The following GSDME variants were observed in gnomAD, a reference collection of about 807,000 sequenced individuals.
The protein encoded by GSDME is gasdermin-E.
In GSDME, 44 loss-of-function variants were observed where a neutral mutation model predicts 47.5. The observed-to-expected ratio is 0.93, with a 90% CI of 0.73 to 1.19. The LOEUF is 1.19. Among genes scored for constraint, GSDME ranks in the 50% most tolerant of loss-of-function variants. The probability of loss-of-function intolerance (pLI) is 0.00; values close to 1 mark genes in which losing one functional copy is unlikely to be tolerated. For synonymous variants in GSDME, 258 were observed against 252.8 expected, an observed-to-expected ratio of 1.02 and a Z score of -0.20; for missense variants, 663 against 604.2, an observed-to-expected ratio of 1.10 and a Z score of -1.02.
At chr7:24,738,298 T>A (rs1292061135) in intron 3 of GSDME, among the ~76,000 whole-genome samples, 1 of 151,944 alleles carries the variant, frequency 6.6e-6, no homozygotes, top group African/African-American at 2.4e-5. Context: ...AAAATCAACA[T>A]ACAAAAATCA....
Position 24,754,484 on chromosome 7 carries a change from T to TTA in GSDME, c.-20+2911_-20+2912insTA, listed in dbSNP as rs1790954853. Reference sequence around the variant, plus strand: ...TGGGCAACAAGAGCGAAACTTTGTCTCAAAAAAAAAAAAAAAAAGTTGTAT... The same window carrying TTA: ...TGGGCAACAAGAGCGAAACTTTGTCTTACAAAAAAAAAAAAAAAAAGTTGTAT... On this transcript the variant is annotated intron_variant, in intron 1 of 9. Transcript: ENST00000645220. This position sits in a 1 kb window ranked among gnomAD's most constrained non-coding sequence, Gnocchi z 5.0. Among the ~76,000 whole-genome samples the TTA allele has an allele frequency of 1.0e-5, 1 of 97,852 alleles. No homozygotes were observed. 64.2% of individuals were successfully genotyped at this position (97,852 alleles called of 152,430 possible).
chr7:24,784,481 G>C, the GSDME span, among the ~76,000 whole-genome samples: 2 of 152,088 alleles, frequency 1.3e-5, no homozygotes, highest in Admixed American at 1.3e-4. Context: ...CAAACCACTG[G>C]TCTAAGTCCA....
At chr7:24,763,480 G>A in the GSDME span, among the ~76,000 whole-genome samples, 1 of 152,110 alleles carries the variant, frequency 6.6e-6, no homozygotes, top group South Asian at 2.1e-4. The surrounding 1 kb of genome is among the most constrained non-coding windows in gnomAD (Gnocchi z 4.3). Flanking sequence ...TGACCAGCAG[G>A]CAGGCGTGTA....
At chr7:24,706,502 G>C in intron 7 of GSDME, 126 bp from the exon 8 acceptor site, 1 of 883,320 alleles carries the variant, frequency 1.1e-6, no homozygotes, top group East Asian at 2.7e-5. Flanking sequence ...ACGACCCGCA[G>C]CTCTTCTCTA....
At chr7:24,700,729 C>G (rs1335379336) in intron 9 of GSDME, among the ~76,000 whole-genome samples, 1 of 152,198 alleles carries the variant, frequency 6.6e-6, no homozygotes, top group African/African-American at 2.4e-5. Context: ...AGACTGCAAA[C>G]TATTGATTGT....
In GSDME at chr7:24,716,331, T is replaced by C. The variant is rs1269141463; in HGVS notation, c.697+923A>G. 2 of 152,282 alleles carry C rather than the reference T, an allele frequency of 1.3e-5. No homozygotes were observed. Among genetic ancestry groups the C allele is most frequent in the Non-Finnish European group, 2.9e-5 (2 of 68,062 alleles). The allele number at this position is 152,282 out of a possible 1,614,324, so 9.4% of individuals were successfully genotyped here. Reference sequence around the variant, plus strand: ...TCACACCCTTTATGCTCCACTCATATTATTTTTGAATCAAACCACAGACAT... The same window carrying C: ...TCACACCCTTTATGCTCCACTCATACTATTTTTGAATCAAACCACAGACAT... On this transcript the variant is annotated intron_variant, in intron 5 of 9. Transcript: ENST00000645220. This position sits in a 1 kb window ranked among gnomAD's most constrained non-coding sequence, Gnocchi z 4.5.
At chr7:24,781,647 T>C in the GSDME span, among the ~76,000 whole-genome samples, 1 of 152,138 alleles carries the variant, frequency 6.6e-6, no homozygotes, top group East Asian at 1.9e-4. Flanking sequence ...ATTAAATCTA[T>C]TGATATTTAT....
At position 24,735,417 on chromosome 7, in the gene GSDME, T is replaced by A. The variant is rs1790272407; in HGVS notation, c.404+9145A>T. 6.6e-6 allele frequency among the ~76,000 whole-genome samples: 1 copy of A among 152,136 alleles called. No individual in the cohort carries two copies. Among genetic ancestry groups the A allele is most frequent in the Non-Finnish European group, 1.5e-5 (1 of 68,034 alleles). On this transcript the variant is annotated intron_variant, in intron 3 of 9. Coordinates refer to ENST00000645220, the MANE Select transcript of GSDME (RefSeq NM_001127453.2). This position sits in a 1 kb window ranked among gnomAD's most constrained non-coding sequence, Gnocchi z 4.4. ...AACACTGTCACTGTGGTATGTAAAC[T>A]ACTCATATCTTAAGCAGAAAGACAA...
At chr7:24,709,630 T>C (rs1473936418) in intron 6 of GSDME, among the ~76,000 whole-genome samples, 1 of 152,106 alleles carries the variant, frequency 6.6e-6, no homozygotes, top group Non-Finnish European at 1.5e-5. Context: ...TCTCCTCCTA[T>C]ATGCTGCGCC....
In GSDME at chr7:24,756,369, CA is replaced by C. The variant is rs903150295; in HGVS notation, c.-20+1026del. Among the ~76,000 whole-genome samples, 12 of 152,286 alleles carry C rather than the reference CA, an allele frequency of 7.9e-5. No individual in the cohort carries two copies. Among genetic ancestry groups the C allele is most frequent in the African/African-American group, 2.9e-4 (12 of 41,558 alleles). On this transcript the variant is annotated intron_variant, in intron 1 of 9. Coordinates refer to ENST00000645220, the MANE Select transcript of GSDME (RefSeq NM_001127453.2). This position sits in a 1 kb window ranked among gnomAD's most constrained non-coding sequence, Gnocchi z 4.2. ...GAGCGAGACCCTCTCTCAACAATAA[CA>C]AAGAACCTAGCCAAGGGACCGTGGC...
chr7:24,755,702 C>A (rs1790992943), intron 1 of GSDME, among the ~76,000 whole-genome samples: 1 of 152,218 alleles, frequency 6.6e-6, no homozygotes, highest in African/African-American at 2.4e-5. Context: ...AAAGCCTGTG[C>A]CCTTGACCAC....
In GSDME at chr7:24,749,789, A is replaced by G. The variant is rs563307227; in HGVS notation, c.-15T>C. ...TTGGCAAACATTTTGAAAGCTCCAGATTATCTGAAAAAGTAAAGTTATCCT... is the reference window on the plus strand; with the variant it reads ...TTGGCAAACATTTTGAAAGCTCCAGGTTATCTGAAAAAGTAAAGTTATCCT... On this transcript the variant is annotated 5_prime_UTR_variant, in exon 2 of 10. Coordinates refer to ENST00000645220, the MANE Select transcript of GSDME (RefSeq NM_001127453.2). 6.2e-7 allele frequency: 1 copy of G among 1,604,518 alleles called. No individual in the cohort carries two copies. The highest frequency in any genetic ancestry group is 2.2e-5 in the East Asian group (1 of 44,830).
In GSDME at chr7:24,721,702, A is replaced by G. The variant is rs549450350; in HGVS notation, c.405-2484T>C. 6.6e-6 allele frequency among the ~76,000 whole-genome samples: 1 copy of G among 152,212 alleles called. No homozygotes were observed. Among genetic ancestry groups the G allele is most frequent in the Non-Finnish European group, 1.5e-5 (1 of 68,040 alleles). The stretch of plus-strand genomic sequence containing the variant: ...AACAAAGCCACAGTGTGTGCCCTGC[A>G]TGGGAATTATGGGGCACTGAATTGA... On this transcript the variant is annotated intron_variant, in intron 3 of 9. Transcript: ENST00000645220. The surrounding 1 kb of genome is among the most constrained non-coding windows in gnomAD (Gnocchi z 4.1).
chr7:24,793,439 A>C, the GSDME span, among the ~76,000 whole-genome samples: 1 of 152,178 alleles, frequency 6.6e-6, no homozygotes, highest in East Asian at 1.9e-4. Flanking sequence ...ATTTTTAAAA[A>C]CCTTTTAATG....
chr7:24,715,816 C>T (rs577216660), intron 5 of GSDME, among the ~76,000 whole-genome samples: 24 of 152,318 alleles, frequency 1.6e-4, no homozygotes, highest in African/African-American at 5.8e-4. Flanking sequence ...CTTTGACCAA[C>T]TGCTTCAAAC....
intron 3 of GSDME, among the ~76,000 whole-genome samples, chr7:24,731,111 G>C (rs1790129293): frequency 6.6e-6 from 1 of 152,228 alleles, no homozygotes; most frequent in African/African-American, 2.4e-5. Flanking sequence ...CTTTTAAAAA[G>C]AGTGGATTTC....
chr7:24,794,677 C>A, the GSDME span, among the ~76,000 whole-genome samples: 2 of 152,136 alleles, frequency 1.3e-5, no homozygotes, highest in African/African-American at 4.8e-5. Flanking sequence ...GGTGTCATAG[C>A]GATTCCATAG....
chr7:24,747,810 C>T (rs1052199900), intron 2 of GSDME, among the ~76,000 whole-genome samples: 2 of 151,866 alleles, frequency 1.3e-5, no homozygotes, highest in Non-Finnish European at 2.9e-5. Context: ...TGGGACTACA[C>T]GTGTATGCCA....
the GSDME span, among the ~76,000 whole-genome samples, chr7:24,766,624 G>C: frequency 6.6e-6 from 1 of 152,146 alleles, no homozygotes; most frequent in African/African-American, 2.4e-5. The surrounding 1 kb of genome is among the most constrained non-coding windows in gnomAD (Gnocchi z 4.2). Flanking sequence ...CCCCACAAAG[G>C]ACATGAACTC....
Sources: allele counts gnomAD v4.1 joint callset (sites outside exome capture counted in the v4.1 genomes callset), GRCh38; gene constraint gnomAD v4.1.1; non-coding constraint Gnocchi (gnomAD v3.1); transcripts MANE v1.5; gene names NCBI Gene and HGNC (gene_info 2026-07-23, HGNC 2026-07-21).